Variants in ZCWPW2 observed in about 807,000 individuals in gnomAD.
The protein encoded by ZCWPW2 is zinc finger CW-type and PWWP domain containing 2, also known as zinc finger CW-type PWWP domain protein 2.
Under a neutral mutation model 46.6 loss-of-function variants are expected in ZCWPW2, and 45 were observed. That is an observed-to-expected ratio of 0.96 (90% CI 0.76 to 1.24). ZCWPW2 has a LOEUF of 1.24. ZCWPW2 is among the 50% of genes most tolerant of loss of function. The pLI, the probability that ZCWPW2 is intolerant of heterozygous loss-of-function variation, is 0.00. For synonymous variants in ZCWPW2, 152 were observed against 137.1 expected (o/e 1.11, Z -0.76); for missense variants, 429 against 403.9 (o/e 1.06, Z -0.53).
At chr3:28,421,834 T>TTGTG (rs71087697) in intron 3 of ZCWPW2, among the ~76,000 whole-genome samples, 32,649 of 133,608 alleles carry the variant, frequency 0.24, 4,254 homozygotes, top group East Asian at 0.38. Flanking sequence ...GGAGAATAGT[T>TTGTG]TGTGTGTGTG....
chr3:28,426,275 A>G (rs1697007870), intron 3 of ZCWPW2, among the ~76,000 whole-genome samples: 1 of 151,752 alleles, frequency 6.6e-6, no homozygotes, highest in Admixed American at 6.6e-5. Context: ...ATGCTATTGT[A>G]TTTGGCTAGG....
intron 6 of ZCWPW2, among the ~76,000 whole-genome samples, chr3:28,511,931 T>C (rs1334606149): frequency 6.6e-6 from 1 of 152,152 alleles, no homozygotes; most frequent in Non-Finnish European, 1.5e-5. Context: ...AAATTGTAAT[T>C]TTTTTCATAA....
intron 1 of ZCWPW2, among the ~76,000 whole-genome samples, chr3:28,373,454 T>G (rs1480130342): frequency 1.3e-5 from 2 of 149,188 alleles, no homozygotes; most frequent in Non-Finnish European, 3.0e-5. Flanking sequence ...TTGTATGTTG[T>G]TTTTTTTTGT....
chr3:28,492,104 A>C (rs759372562), intron 5 of ZCWPW2, 23 bp from the exon 6 acceptor site: 1 of 1,605,850 alleles, frequency 6.2e-7, no homozygotes, highest in Non-Finnish European at 8.5e-7. Context: ...TTTTTGAAGC[A>C]GCCATGTTTC....
chr3:28,522,982 C>T (rs1396341555), intron 9 of ZCWPW2, among the ~76,000 whole-genome samples: 2 of 152,092 alleles, frequency 1.3e-5, no homozygotes, highest in East Asian at 3.8e-4. Flanking sequence ...ATAGCGATGT[C>T]CTGGAGCTTT....
intron 1 of ZCWPW2, among the ~76,000 whole-genome samples, chr3:28,367,778 C>CT (rs1353872850): frequency 1.3e-5 from 2 of 152,136 alleles, no homozygotes; most frequent in Non-Finnish European, 2.9e-5. Context: ...GTGTGGGAGT[C>CT]TAAGTCTCTT....
intron 5 of ZCWPW2, among the ~76,000 whole-genome samples, chr3:28,483,135 C>G (rs1319837924): frequency 2.0e-5 from 3 of 152,038 alleles, no homozygotes; most frequent in South Asian, 2.1e-4. Flanking sequence ...GCATTTCGCC[C>G]TATGATTCAT....
At chr3:28,386,208 A>G (rs779965171) in intron 1 of ZCWPW2, among the ~76,000 whole-genome samples, 6 of 152,092 alleles carry the variant, frequency 3.9e-5, no homozygotes, top group African/African-American at 7.2e-5. Context: ...TGGGAGGATT[A>G]ATGCCCTTAT....
At chr3:28,413,762 A>C (rs1428310305) in intron 3 of ZCWPW2, among the ~76,000 whole-genome samples, 1 of 151,956 alleles carries the variant, frequency 6.6e-6, no homozygotes, top group Non-Finnish European at 1.5e-5. Context: ...TGTGTCTTTA[A>C]ATTACCAAAT....
chr3:28,513,594 T>C (rs1196725646), intron 6 of ZCWPW2, among the ~76,000 whole-genome samples: 1 of 152,140 alleles, frequency 6.6e-6, no homozygotes, highest in Non-Finnish European at 1.5e-5. Flanking sequence ...ATGTCACTTA[T>C]CTTTGCCTAG....
chr3:28,411,378 G>A (rs1398382579), intron 2 of ZCWPW2, among the ~76,000 whole-genome samples: 1 of 151,520 alleles, frequency 6.6e-6, no homozygotes, highest in Non-Finnish European at 1.5e-5. Flanking sequence ...GGTAATAGAA[G>A]GAAAACAACT....
chr3:28,518,061 G>A (rs147392171), intron 8 of ZCWPW2, among the ~76,000 whole-genome samples: 4,131 of 151,112 alleles, frequency 0.027, 183 homozygotes, highest in African/African-American at 0.093. Context: ...TCTTGAACCT[G>A]GGAGGTGGGG....
rs879791986 is a variant in ZCWPW2 at position 28,413,394 on chromosome 3, G to T, written c.326G>T (p.Trp109Leu). ...CTGGTTTTGGTAAAATTACAGAATT[G>T]GCCAAGGTAAGGTTTGTGTAGTTTT... ...GSLVLVKLQN[W>L]PSWPGILCPD... Residue 109 changes from tryptophan (W) to leucine (L), a missense_variant, in exon 3 of 10, where the codon TGG (tryptophan) becomes TTG (leucine). Physicochemically the swap from Trp to Leu is moderately conservative, Grantham distance 61 (BLOSUM62 -2). Coordinates refer to ENST00000383768, the MANE Select transcript of ZCWPW2 (RefSeq NM_001040432.4). The T allele has an allele frequency of 6.2e-7, 1 of 1,606,022 alleles. No individual in the cohort carries two copies.
At chr3:28,446,421 A>G (rs1439313299) in intron 4 of ZCWPW2, among the ~76,000 whole-genome samples, 1 of 152,150 alleles carries the variant, frequency 6.6e-6, no homozygotes, top group Non-Finnish European at 1.5e-5. Context: ...TGAATCAAAG[A>G]AAAAATTGTA....
In ZCWPW2 at chr3:28,404,124, A is replaced by G. The variant is rs369019879; in HGVS notation, c.-13-8932A>G. Among the ~76,000 whole-genome samples the G allele has an allele frequency of 4.6e-5, 7 of 152,202 alleles. No individual in the cohort carries two copies. The South Asian group carries it at 1.0e-3, about 23-fold the overall frequency. ...CCCAGAGAGTGGAAAAAAATTCTTC[A>G]CAACCTATACATCTGACAAAGGACT... On this transcript the variant is annotated intron_variant, in intron 2 of 9. Coordinates refer to ENST00000383768, the MANE Select transcript of ZCWPW2 (RefSeq NM_001040432.4).
chr3:28,452,413 A>G (rs1698261178), intron 4 of ZCWPW2, among the ~76,000 whole-genome samples: 1 of 152,112 alleles, frequency 6.6e-6, no homozygotes, highest in South Asian at 2.1e-4. Flanking sequence ...CTCCTGCTTC[A>G]GCCTCCGGAG....
At chr3:28,421,165 G>T (rs1201023263) in intron 3 of ZCWPW2, among the ~76,000 whole-genome samples, 1 of 152,134 alleles carries the variant, frequency 6.6e-6, no homozygotes, top group Admixed American at 6.6e-5. Flanking sequence ...TGATTTCCAA[G>T]GGAGGGAAGG....
chr3:28,444,862 T>C (rs1697923810), intron 4 of ZCWPW2, among the ~76,000 whole-genome samples: 1 of 152,162 alleles, frequency 6.6e-6, no homozygotes, highest in Admixed American at 6.5e-5. Context: ...GTATTATGTA[T>C]AGAGTCACTA....
At chr3:28,484,511 G>A (rs934283938) in intron 5 of ZCWPW2, among the ~76,000 whole-genome samples, 5 of 152,010 alleles carry the variant, frequency 3.3e-5, no homozygotes, top group Non-Finnish European at 7.4e-5. Flanking sequence ...TTAGCAGAGT[G>A]TCTCTTTCAA....
Sources: gnomAD v4.1 joint callset for allele counts (sites outside exome capture counted in the v4.1 genomes callset) on GRCh38, gnomAD v4.1.1 for gene constraint, MANE v1.5 for transcripts, NCBI Gene and HGNC (gene_info 2026-07-23, HGNC 2026-07-21) for gene names.